Variants in DLEC1 observed in about 807,000 individuals in gnomAD.
The protein encoded by DLEC1 is DLEC1 cilia and flagella associated protein, also known as deleted in lung and esophageal cancer protein 1.
Under a neutral mutation model 198.1 loss-of-function variants are expected in DLEC1, and 146 were observed. The ratio of observed to expected loss-of-function variants is 0.74; its 90% confidence interval spans 0.64 to 0.85. DLEC1 has a LOEUF of 0.85. Among genes scored for constraint, DLEC1 ranks in the 40% least tolerant of loss-of-function variants. The pLI is 0.00. For synonymous variants in DLEC1, 897 were observed against 866.8 expected (o/e 1.03, Z -0.61); for missense variants, 2,233 against 2,220.0 (o/e 1.01, Z -0.12).
At chr3:38,062,906 C>A in intron 5 of DLEC1, 105 bp downstream of exon 5, 2 of 1,215,130 alleles carry the variant, frequency 1.6e-6, no homozygotes, top group Non-Finnish European at 2.3e-6. Context: ...ACTTGTGGGG[C>A]AGGGTAGCAG....
chr3:38,085,529 T>A, intron 8 of DLEC1, 82 bp downstream of exon 8: 2 of 1,539,652 alleles, frequency 1.3e-6, no homozygotes, highest in Non-Finnish European at 1.8e-6. Context: ...CAGGTTCCCT[T>A]TGTATCAGCA....
intron 6 of DLEC1, among the ~76,000 whole-genome samples, chr3:38,068,405 A>AT (rs1346434250): frequency 6.6e-6 from 1 of 151,902 alleles, no homozygotes; most frequent in East Asian, 1.9e-4. Flanking sequence ...TAATTTTTGT[A>AT]TTTTTTGTAT....
In DLEC1 at chr3:38,112,483, G is replaced by A. The variant is rs766673187; in HGVS notation, c.3666+122G>A. 5.6e-5 allele frequency: 79 copies of A among 1,410,476 alleles called. No individual in the cohort carries two copies. In the Middle Eastern group the frequency reaches 1.0e-3, roughly 18 times the overall value. 87.4% of individuals were successfully genotyped at this position (1,410,476 alleles called of 1,614,324 possible). A position where few individuals can be genotyped will look rare whatever the true frequency, so the allele number is the denominator to read the frequency against. ...CTCAAACCTCACCAGGTTGAAACGC[G>A]ATGCCCACCGAGCTTGGGATGGGCA... is the stretch of plus-strand genomic sequence containing the variant. On this transcript the variant is annotated intron_variant, in intron 25 of 36. Coordinates refer to ENST00000308059, the MANE Select transcript of DLEC1 (RefSeq NM_007335.4). The surrounding 1 kb of genome is among the most constrained non-coding windows in gnomAD (Gnocchi z 4.8).
rs374668106 is a variant in DLEC1 at position 38,114,359 on chromosome 3, G to C, written c.3684G>C (p.Pro1228=). The change falls in exon 26 of 37, where the codon CCG becomes CCC. Residue 1228 remains proline (P), a synonymous_variant. Transcript: ENST00000308059. ...NLICTVGDLL[P]EVIPVHMAAV... is the part of the protein sequence containing the mutation. ...GTTTGCAGGTGGGAGACCTGCTGCC[G>C]GAAGTCATCCCAGTGCACATGGCAG... 1.2e-6 allele frequency: 2 copies of C among 1,614,150 alleles called. No homozygotes were observed. The highest frequency in any genetic ancestry group is 1.7e-6 in the Non-Finnish European group (2 of 1,180,010).
chr3:38,122,814 T>A lies in DLEC1; in HGVS notation c.*402T>A. ...GCCTTGTGGCCTGGGTGACCCAGGC[T>A]GCTTTTATCTTGCACAGCTAAAGAG... On this transcript the variant is annotated 3_prime_UTR_variant, in exon 37 of 37. Transcript: ENST00000308059. 1.1e-6 allele frequency: 1 copy of A among 918,270 alleles called. No homozygotes were observed. Among genetic ancestry groups the A allele is most frequent in the East Asian group, 2.7e-5 (1 of 36,692 alleles). The allele number at this position is 918,270 out of a possible 1,614,324, so 56.9% of individuals were successfully genotyped here.
At chr3:38,040,061 G>C (rs1318151541) in intron 1 of DLEC1, among the ~76,000 whole-genome samples, 11 of 152,136 alleles carry the variant, frequency 7.2e-5, no homozygotes, top group Non-Finnish European at 1.3e-4. Context: ...CTAGCCTCTA[G>C]AACAGCAACT....
Position 38,123,708 on chromosome 3 carries a change from A to G in DLEC1, c.*1296A>G, listed in dbSNP as rs547895271. On this transcript the variant is annotated 3_prime_UTR_variant, in exon 37 of 37. Coordinates refer to ENST00000308059, the MANE Select transcript of DLEC1 (RefSeq NM_007335.4). ...TTTTTAAAAGATTGATTTAAAAGATATTTACATTTTTAGGCCAGGTGTGGT... is the reference window on the plus strand; with the variant it reads ...TTTTTAAAAGATTGATTTAAAAGATGTTTACATTTTTAGGCCAGGTGTGGT... 6.6e-6 allele frequency: 1 copy of G among 152,488 alleles called. No homozygotes were observed. Among genetic ancestry groups the G allele is most frequent in the African/African-American group, 2.4e-5 (1 of 41,566 alleles). The allele number at this position is 152,488 out of a possible 1,614,324, so 9.4% of individuals were successfully genotyped here. A position where few individuals can be genotyped will look rare whatever the true frequency, so the allele number is the denominator to read the frequency against.
chr3:38,084,240 G>T lies in DLEC1; in HGVS notation c.1256G>T (p.Gly419Val). The change falls in exon 7 of 37, where the codon GGA (glycine) becomes GTA (valine). Residue 419 changes from glycine (G) to valine (V), a missense_variant. Gly to Val is a moderately radical substitution (Grantham distance 109). Coordinates refer to ENST00000308059, the MANE Select transcript of DLEC1 (RefSeq NM_007335.4). ...LPPSTPYFALGLGMFPGKGGM... is the reference protein window; with the variant it reads ...LPPSTPYFALVLGMFPGKGGM... Reference sequence around the variant, plus strand: ...CCTTCCACGCCATACTTCGCTCTGGGACTGGGTAAGTTCAGTATTTGTAAG... The same window carrying T: ...CCTTCCACGCCATACTTCGCTCTGGTACTGGGTAAGTTCAGTATTTGTAAG... 1 of 1,612,586 alleles carries T rather than the reference G, an allele frequency of 6.2e-7. No individual in the cohort carries two copies. Among genetic ancestry groups the T allele is most frequent in the South Asian group, 1.1e-5 (1 of 91,040 alleles).
chr3:38,082,080 G>A (rs1424864547), intron 6 of DLEC1, among the ~76,000 whole-genome samples: 6 of 145,528 alleles, frequency 4.1e-5, no homozygotes, highest in Non-Finnish European at 4.5e-5. Context: ...CTTCTCAGAC[G>A]GGGCGGCCGG....
At chr3:38,100,828 C>A (rs1699267706) in intron 19 of DLEC1, among the ~76,000 whole-genome samples, 1 of 152,154 alleles carries the variant, frequency 6.6e-6, no homozygotes, top group Admixed American at 6.5e-5. Flanking sequence ...CTAGAAAAAA[C>A]CACTGTCTGT....
intron 26 of DLEC1, 101 bp downstream of exon 26, chr3:38,114,561 C>A: frequency 8.2e-7 from 1 of 1,225,348 alleles, no homozygotes; most frequent in Non-Finnish European, 1.2e-6. Flanking sequence ...CTCCAGCTGG[C>A]CTAGGGCCAT....
chr3:38,051,294 G>A (rs2364809), intron 2 of DLEC1, among the ~76,000 whole-genome samples: 45,999 of 152,162 alleles, frequency 0.3, 7,314 homozygotes, highest in East Asian at 0.56. Flanking sequence ...GGTGACAGCC[G>A]GGACTGATCG....
rs186625169 is a variant in DLEC1, at chr3:38,045,546, C to T, written c.415C>T (p.Arg139Trp). The change falls in exon 2 of 37, where the codon CGG becomes TGG. Residue 139 changes from arginine to tryptophan, a missense_variant. Coordinates refer to ENST00000308059, the MANE Select transcript of DLEC1 (RefSeq NM_007335.4). ...CATTTGATCATCCCCCTGCCAGATT[C>T]GGGAGCTCTATAAGCAGCGGCTGGA... ...EEFVDQLQQI[R>W]ELYKQRLDEF... 2.5e-4 allele frequency: 402 copies of T among 1,611,896 alleles called. No homozygotes were observed. Among genetic ancestry groups the T allele is most frequent in the Non-Finnish European group, 1.0e-4 (119 of 1,179,214 alleles).
chr3:38,062,337 A>G lies in DLEC1; in HGVS notation c.842A>G (p.Lys281Arg). ...AGCCTGACATGGAATTTAACTCCTA[A>G]GGCCAAAGAAAGGACCAGAGAACCT... ...VDSLTWNLTP[K>R]AKERTREPLK... is the part of the protein sequence containing the mutation. The change falls in exon 4 of 37, where the codon AAG becomes AGG. Residue 281 changes from lysine to arginine, a missense_variant. By Grantham distance (26) the Lys-to-Arg change is conservative (BLOSUM62 2). Transcript: ENST00000308059. 6.2e-7 allele frequency: 1 copy of G among 1,614,232 alleles called. No homozygotes were observed. Among genetic ancestry groups the G allele is most frequent in the Non-Finnish European group, 8.5e-7 (1 of 1,180,034 alleles).
In DLEC1 at chr3:38,063,901, A is replaced by C; in HGVS notation, c.1155A>C (p.Glu385Asp). The C allele has an allele frequency of 6.2e-7, 1 of 1,613,082 alleles. No homozygotes were observed. Among genetic ancestry groups the C allele is most frequent in the Non-Finnish European group, 8.5e-7 (1 of 1,179,308 alleles). The change falls in exon 6 of 37, where the codon GAA (glutamate) becomes GAC (aspartate). Residue 385 changes from glutamate to aspartate, a missense_variant. Transcript: ENST00000308059. The stretch of plus-strand genomic sequence containing the variant: ...CAATTGGGTTTTTCACAGATTATGA[A>C]ATTGGTCCAGTTTATGAGGTAGACA... ...KPPIGFFTDY[E>D]IGPVYEMVIA... is the part of the protein sequence containing the mutation.
At chr3:38,062,038 G>A (rs1696713659) in intron 3 of DLEC1, 131 bp from the exon 4 acceptor site, 1 of 835,394 alleles carries the variant, frequency 1.2e-6, no homozygotes, top group African/African-American at 1.7e-5. Context: ...ATTATAGCTG[G>A]TGTGGTAAAT....
chr3:38,054,498 A>AG (rs111929320), intron 2 of DLEC1, among the ~76,000 whole-genome samples: 1,958 of 152,284 alleles, frequency 0.013, 38 homozygotes, highest in African/African-American at 0.043. Flanking sequence ...CAGGTTTCCC[A>AG]GGGGGTGACA....
At chr3:38,094,788 C>A (rs982593805) in intron 12 of DLEC1, 91 bp from the exon 13 acceptor site, 1 of 1,458,648 alleles carries the variant, frequency 6.9e-7, no homozygotes, top group Non-Finnish European at 9.3e-7. Context: ...TCCTTTCCTG[C>A]TCCCTCTTGG....
chr3:38,107,619 A>G lies in DLEC1; in HGVS notation c.2900A>G (p.His967Arg), dbSNP rs1194109295. 1.2e-6 allele frequency: 2 copies of G among 1,613,754 alleles called. No homozygotes were observed. Among genetic ancestry groups the G allele is most frequent in the South Asian group, 2.2e-5 (2 of 91,028 alleles). ...GTGTATGCTGAGGTACAGAAGCCCC[A>G]TGTGTACCTACAGAGCAGCCAGGTG... ...LPVYAEVQKP[H>R]VYLQSSQVEV... Residue 967 changes from histidine (H) to arginine (R), a missense_variant, in exon 20 of 37, where the codon CAT (histidine) becomes CGT (arginine). His to Arg is a conservative substitution (Grantham distance 29, BLOSUM62 0). Coordinates refer to ENST00000308059, the MANE Select transcript of DLEC1 (RefSeq NM_007335.4).
Sources: allele counts gnomAD v4.1 joint callset (sites outside exome capture counted in the v4.1 genomes callset), GRCh38; gene constraint gnomAD v4.1.1; non-coding constraint Gnocchi (gnomAD v3.1); transcripts MANE v1.5; gene names NCBI Gene and HGNC (gene_info 2026-07-23, HGNC 2026-07-21).